Variants in PTPRN2 observed in about 807,000 individuals in gnomAD.
PTPRN2 encodes the protein protein tyrosine phosphatase receptor type N2.
Under a neutral mutation model 118.8 loss-of-function variants are expected in PTPRN2, and 74 were observed. The ratio of observed to expected loss-of-function variants is 0.62; its 90% CI spans 0.52 to 0.76. The LOEUF is 0.76. PTPRN2 is among the 30% of genes least tolerant of loss of function. PTPRN2 has a pLI of 0.00. For synonymous variants in PTPRN2, 641 were observed against 608.0 expected (o/e 1.05, Z -0.80); for missense variants, 1,481 against 1,394.4 (o/e 1.06, Z -0.99).
intron 6 of PTPRN2, among the ~76,000 whole-genome samples, chr7:158,143,474 A>G (rs1819579712): frequency 6.6e-6 from 1 of 152,130 alleles, no homozygotes. Flanking sequence ...ACTAGCCAAG[A>G]TGTGTGTCAG....
intron 3 of PTPRN2, among the ~76,000 whole-genome samples, chr7:158,296,916 GC>G (rs1309781911): frequency 6.6e-6 from 1 of 152,208 alleles, no homozygotes; most frequent in Non-Finnish European, 1.5e-5. Context: ...AGGTGGACAC[GC>G]CCGGCACTCA....
chr7:158,194,249 C>G (rs887999101), intron 4 of PTPRN2, among the ~76,000 whole-genome samples: 10 of 152,188 alleles, frequency 6.6e-5, no homozygotes, highest in African/African-American at 2.2e-4. Context: ...GCAAAGATTT[C>G]GTAGACATGG....
chr7:158,453,120 G>T lies in PTPRN2; in HGVS notation c.163+36615C>A, dbSNP rs543871779. Among the ~76,000 whole-genome samples, 14 of 146,518 alleles carry T rather than the reference G, an allele frequency of 9.6e-5. No homozygotes were observed. In the South Asian group the frequency reaches 1.8e-3, roughly 19 times the overall value. On this transcript the variant is annotated intron_variant, in intron 2 of 22. Coordinates refer to ENST00000389418, the MANE Select transcript of PTPRN2 (RefSeq NM_002847.5). Reference sequence around the variant, plus strand: ...CGTACGGTGCAGGGGGCACCACAGGGTTGGCTAACACAGCCTGGACATAGG... The same window carrying T: ...CGTACGGTGCAGGGGGCACCACAGGTTTGGCTAACACAGCCTGGACATAGG...
At chr7:158,116,643 G>A (rs896848579) in intron 9 of PTPRN2, among the ~76,000 whole-genome samples, 5 of 152,208 alleles carry the variant, frequency 3.3e-5, no homozygotes, top group African/African-American at 9.7e-5. Flanking sequence ...AAGGAGGAGG[G>A]CACCATTGTT....
intron 12 of PTPRN2, among the ~76,000 whole-genome samples, chr7:157,692,194 G>C (rs1015668612): frequency 6.6e-6 from 1 of 151,938 alleles, no homozygotes; most frequent in Admixed American, 6.5e-5. Flanking sequence ...GGGACAGCTG[G>C]AGACGGCGGC....
intron 12 of PTPRN2, among the ~76,000 whole-genome samples, chr7:157,739,642 G>A (rs1800507861): frequency 6.6e-6 from 1 of 152,226 alleles, no homozygotes; most frequent in Non-Finnish European, 1.5e-5. Flanking sequence ...GGGACTCTTG[G>A]AGAGCTCTTT....
intron 2 of PTPRN2, among the ~76,000 whole-genome samples, chr7:158,433,003 C>A (rs916408356): frequency 6.6e-6 from 1 of 152,196 alleles, no homozygotes; most frequent in African/African-American, 2.4e-5. Flanking sequence ...CCAGGCTGAA[C>A]GTCAGCTTTG....
At chr7:158,265,229 T>C (rs1258949083) in intron 3 of PTPRN2, among the ~76,000 whole-genome samples, 1 of 152,078 alleles carries the variant, frequency 6.6e-6, no homozygotes, top group Non-Finnish European at 1.5e-5. Flanking sequence ...CCATCCACTA[T>C]GCTCCTGGTG....
intron 15 of PTPRN2, among the ~76,000 whole-genome samples, chr7:157,614,694 G>T (rs557451072): frequency 2.0e-5 from 3 of 152,206 alleles, no homozygotes; most frequent in Non-Finnish European, 4.4e-5. Context: ...TTTGGAGACA[G>T]GGCCTCTAGA....
intron 17 of PTPRN2, among the ~76,000 whole-genome samples, chr7:157,594,228 C>T (rs560610193): frequency 1.1e-4 from 16 of 152,310 alleles, no homozygotes; most frequent in Admixed American, 3.3e-4. Context: ...TTCCTGTAAT[C>T]GGAGTCACGC....
At chr7:158,489,248 C>T (rs1821254206) in intron 2 of PTPRN2, among the ~76,000 whole-genome samples, 1 of 152,158 alleles carries the variant, frequency 6.6e-6, no homozygotes, top group South Asian at 2.1e-4. Flanking sequence ...GAGTTCGAGA[C>T]CAGCCTGGCC....
intron 1 of PTPRN2, among the ~76,000 whole-genome samples, chr7:158,518,786 A>G (rs1029375119): frequency 3.9e-5 from 6 of 152,122 alleles, no homozygotes; most frequent in African/African-American, 1.4e-4. Flanking sequence ...GGAGTTCAAG[A>G]CCAGCCTGGG....
At chr7:158,324,130 C>T (rs1803278027) in intron 2 of PTPRN2, among the ~76,000 whole-genome samples, 1 of 152,138 alleles carries the variant, frequency 6.6e-6, no homozygotes, top group Admixed American at 6.6e-5. Context: ...TGCACAAACT[C>T]ACACGCCCAC....
intron 12 of PTPRN2, among the ~76,000 whole-genome samples, chr7:157,858,252 T>C (rs1233222372): frequency 4.6e-3 from 9 of 1,956 alleles, no homozygotes; most frequent in Non-Finnish European, 6.0e-3. Context: ...GAGAGCCCCG[T>C]CACCACCCAC....
rs755082940 is a variant in PTPRN2 at position 157,615,527 on chromosome 7, T to G, written c.2344+5835A>C. The G allele has an allele frequency of 3.2e-5, 15 of 471,130 alleles. No individual in the cohort carries two copies. The highest frequency in any genetic ancestry group is 5.3e-5 in the Non-Finnish European group (12 of 227,050). 29.2% of individuals were successfully genotyped at this position (471,130 alleles called of 1,614,324 possible). A position where few individuals can be genotyped will look rare whatever the true frequency, so the allele number is the denominator to read the frequency against. On this transcript the variant is annotated intron_variant, in intron 15 of 22. Coordinates refer to ENST00000389418, the MANE Select transcript of PTPRN2 (RefSeq NM_002847.5). This position sits in a 1 kb window ranked among gnomAD's most constrained non-coding sequence, Gnocchi z 4.3. ...CCTGGGGACGGCTGGGGTGACCCCA[T>G]CGCAAGGCCGGGCCGTGGAAACAAT...
intron 6 of PTPRN2, among the ~76,000 whole-genome samples, chr7:158,150,463 A>G (rs1820866565): frequency 6.6e-6 from 1 of 152,198 alleles, no homozygotes; most frequent in African/African-American, 2.4e-5. Context: ...CTGACGCAGC[A>G]GGCGGATGTT....
intron 1 of PTPRN2, among the ~76,000 whole-genome samples, chr7:158,534,936 C>T (rs1366578528): frequency 6.6e-6 from 1 of 152,172 alleles, no homozygotes; most frequent in African/African-American, 2.4e-5. Flanking sequence ...CCTCGAGCCT[C>T]GTCAGCAGGC....
chr7:157,880,866 A>T (rs1796070722), intron 12 of PTPRN2, among the ~76,000 whole-genome samples: 1 of 152,240 alleles, frequency 6.6e-6, no homozygotes, highest in Non-Finnish European at 1.5e-5. Context: ...GCATAGATGT[A>T]TTCCTCTGAA....
At position 158,130,701 on chromosome 7, in the gene PTPRN2, A is replaced by AAC. The variant is rs60270393; in HGVS notation, c.1556+2974_1556+2975dup. ...TACATACAGACACACACATCTACCC[A>AAC]ACACACACTCATATACACACATGCA... On this transcript the variant is annotated intron_variant, in intron 9 of 22. Coordinates refer to ENST00000389418, the MANE Select transcript of PTPRN2 (RefSeq NM_002847.5). Among the ~76,000 whole-genome samples, 475 of 148,056 alleles carry AAC rather than the reference A, an allele frequency of 3.2e-3. 13 individuals carry two copies. The highest frequency in any genetic ancestry group is 8.7e-3 in the East Asian group (43 of 4,936).
Sources: allele counts gnomAD v4.1 joint callset (sites outside exome capture counted in the v4.1 genomes callset), GRCh38; gene constraint gnomAD v4.1.1; non-coding constraint Gnocchi (gnomAD v3.1); transcripts MANE v1.5; gene names NCBI Gene and HGNC (gene_info 2026-07-23, HGNC 2026-07-21).